A2ML1: variants seen among roughly 807,000 people sequenced by gnomAD.
The protein encoded by A2ML1 is alpha-2-macroglobulin like 1.
In A2ML1, 161 loss-of-function variants were observed where a neutral mutation model predicts 181.9. The observed-to-expected ratio is 0.89, with a 90% CI of 0.78 to 1.01. The LOEUF (loss-of-function observed/expected upper bound fraction) is 1.01, where lower values mean the gene tolerates loss of function less well. Ranked by LOEUF, A2ML1 falls within the 50% of genes least tolerant of loss-of-function variation. The pLI, the probability that A2ML1 is intolerant of heterozygous loss-of-function variation, is 0.00. For synonymous variants in A2ML1, 663 were observed against 666.8 expected (o/e 0.99, Z 0.09); for missense variants, 1,670 against 1,768.1 (o/e 0.94, Z 1.00).
In A2ML1 at chr12:8,851,955, TG is replaced by T; in HGVS notation, c.2410del (p.Glu804AsnfsTer13). 1 of 1,614,192 alleles carries T rather than the reference TG, an allele frequency of 6.2e-7. No individual in the cohort carries two copies. The highest frequency in any genetic ancestry group is 8.5e-7 in the Non-Finnish European group (1 of 1,180,030). ...DLTLPYSVVR[G>X]ESFRLTATIF... ...TGACTCTCCCTTACTCAGTAGTCCGTGGGGAATCCTTTCGTCTTACTGCCAC... is the reference window on the plus strand; with the variant it reads ...TGACTCTCCCTTACTCAGTAGTCCGTGGGAATCCTTTCGTCTTACTGCCAC... On this transcript the variant is annotated frameshift_variant, in exon 19 of 36. Coordinates refer to ENST00000299698, the MANE Select transcript of A2ML1 (RefSeq NM_144670.6). LOFTEE classifies it high-confidence loss of function.
At chr12:8,826,424 T>C (rs901621808) in intron 3 of A2ML1, among the ~76,000 whole-genome samples, 1 of 152,154 alleles carries the variant, frequency 6.6e-6, no homozygotes, top group African/African-American at 2.4e-5. Flanking sequence ...GATTGTTCCC[T>C]GTTGGCATAT....
chr12:8,869,060 T>C (rs1944532452), intron 32 of A2ML1, 75 bp from the exon 33 acceptor site: 5 of 1,423,126 alleles, frequency 3.5e-6, no homozygotes, highest in East Asian at 4.5e-5. Flanking sequence ...TCCTTGATCA[T>C]GGCAGAGCTT....
At chr12:8,822,894 A>G (rs1244985282) in intron 1 of A2ML1, among the ~76,000 whole-genome samples, 181 bp downstream of exon 1, 2 of 152,170 alleles carry the variant, frequency 1.3e-5, no homozygotes, top group African/African-American at 2.4e-5. Context: ...ATGAAGAGGA[A>G]GCTTTAAAAA....
chr12:8,838,765 A>G (rs1943369972), intron 9 of A2ML1, among the ~76,000 whole-genome samples: 1 of 151,276 alleles, frequency 6.6e-6, no homozygotes, highest in Non-Finnish European at 1.5e-5. Context: ...ACAAAAAATT[A>G]GCCGGGCATG....
chr12:8,874,782 T>A (rs1333771656), intron 34 of A2ML1, among the ~76,000 whole-genome samples, 189 bp from the exon 35 acceptor site: 1 of 152,198 alleles, frequency 6.6e-6, no homozygotes, highest in Non-Finnish European at 1.5e-5. Context: ...ATTTCTATTA[T>A]TTTTGGTATG....
At position 8,841,539 on chromosome 12, in the gene A2ML1, A is replaced by C. The variant is rs1264501028; in HGVS notation, c.1248+3A>C. ...ATGGGACAGACGTTTCTCTGGAGGT[A>C]AGCATGGACGGAGGACCAGCTTCCT... On this transcript the variant is annotated splice_donor_region_variant and intron_variant, in intron 11 of 35. Transcript: ENST00000299698. 2 of 1,606,524 alleles carry C rather than the reference A, an allele frequency of 1.2e-6. No individual in the cohort carries two copies. Among genetic ancestry groups the C allele is most frequent in the South Asian group, 2.2e-5 (2 of 89,132 alleles).
Position 8,861,192 on chromosome 12 carries a change from A to C in A2ML1, c.3397A>C (p.Asn1133His), listed in dbSNP as rs1466413438. The stretch of plus-strand genomic sequence containing the variant: ...CAAGAATTCGGCCACCTCCACGACC[A>C]ACCTCTACACACAGGCCCTGTTGGC... ...CLKNSATSTT[N>H]LYTQALLAYI... Residue 1133 changes from asparagine to histidine, a missense_variant, in exon 28 of 36, where the codon AAC (asparagine) becomes CAC (histidine). Physicochemically the swap from Asn to His is moderately conservative, Grantham distance 68. Transcript: ENST00000299698. The C allele has an allele frequency of 4.3e-6, 7 of 1,613,830 alleles. No individual in the cohort carries two copies. The highest frequency in any genetic ancestry group is 1.3e-5 in the African/African-American group (1 of 74,804).
intron 4 of A2ML1, among the ~76,000 whole-genome samples, chr12:8,831,178 C>T (rs1943101198): frequency 6.6e-6 from 1 of 152,070 alleles, no homozygotes; most frequent in African/African-American, 2.4e-5. Context: ...GCAGGCCGGT[C>T]TTGAGCTCCT....
intron 16 of A2ML1, 120 bp downstream of exon 16, chr12:8,849,034 A>T: frequency 8.8e-7 from 1 of 1,140,346 alleles, no homozygotes; most frequent in East Asian, 2.5e-5. Context: ...CAAAATCTTG[A>T]AAGAAGCTTC....
chr12:8,838,789 C>T (rs1943371431), intron 9 of A2ML1, among the ~76,000 whole-genome samples: 2 of 151,994 alleles, frequency 1.3e-5, no homozygotes, highest in East Asian at 1.9e-4. Context: ...ACGGGGGCGC[C>T]TGTAGTCCCA....
chr12:8,827,303 C>T (rs1942960797), intron 3 of A2ML1, among the ~76,000 whole-genome samples: 1 of 152,182 alleles, frequency 6.6e-6, no homozygotes, highest in Non-Finnish European at 1.5e-5. Flanking sequence ...CACATTACTG[C>T]ACTCCAGCCT....
chr12:8,862,938 A>T (rs969179395), intron 28 of A2ML1, among the ~76,000 whole-genome samples: 7 of 152,068 alleles, frequency 4.6e-5, no homozygotes, highest in Admixed American at 3.3e-4. Flanking sequence ...TCTTCAAGTT[A>T]TCCATTATCT....
At chr12:8,842,427 G>A (rs777262861) in intron 11 of A2ML1, among the ~76,000 whole-genome samples, 54 of 152,050 alleles carry the variant, frequency 3.6e-4, no homozygotes, top group African/African-American at 8.4e-4. Flanking sequence ...CACTGTGTTA[G>A]CCAGGATGGT....
chr12:8,841,097 C>T (rs973971868), intron 10 of A2ML1, among the ~76,000 whole-genome samples: 1 of 152,020 alleles, frequency 6.6e-6, no homozygotes, highest in Admixed American at 6.6e-5. Context: ...ATATGAAGAG[C>T]CCTGAAGCTT....
intron 33 of A2ML1, among the ~76,000 whole-genome samples, chr12:8,873,159 C>T (rs1022299596): frequency 6.6e-6 from 1 of 152,054 alleles, no homozygotes; most frequent in Non-Finnish European, 1.5e-5. Flanking sequence ...CTCGACCACA[C>T]TTTGAGAAGC....
intron 7 of A2ML1, 122 bp downstream of exon 7, chr12:8,836,461 A>T: frequency 2.6e-5 from 16 of 615,822 alleles, no homozygotes; most frequent in Non-Finnish European, 3.7e-5. Context: ...TGTAATTCAG[A>T]GTCATGGCTT....
intron 22 of A2ML1, among the ~76,000 whole-genome samples, 193 bp from the exon 23 acceptor site, chr12:8,855,316 C>T (rs1944025838): frequency 6.6e-6 from 1 of 152,164 alleles, no homozygotes. Context: ...AAGTGTGCAG[C>T]ACGATGATGA....
At chr12:8,858,653 G>T (rs968829216) in intron 26 of A2ML1, among the ~76,000 whole-genome samples, 2 of 152,138 alleles carry the variant, frequency 1.3e-5, no homozygotes, top group African/African-American at 4.8e-5. Flanking sequence ...AGGAGCATTG[G>T]CATCACATGG....
At chr12:8,884,615 C>T (rs948034679) in intron 7 of A2ML1, among the ~76,000 whole-genome samples, 1 of 152,198 alleles carries the variant, frequency 6.6e-6, no homozygotes, top group Non-Finnish European at 1.5e-5. Context: ...TGGCTCACTG[C>T]AACCTCCACT....
Sources: gnomAD v4.1 joint callset for allele counts (sites outside exome capture counted in the v4.1 genomes callset) on GRCh38, gnomAD v4.1.1 for gene constraint, MANE v1.5 for transcripts, NCBI Gene and HGNC (gene_info 2026-07-23, HGNC 2026-07-21) for gene names.